OR6N1: variants seen among roughly 807,000 people sequenced by gnomAD.
The protein encoded by OR6N1 is olfactory receptor family 6 subfamily N member 1.
For missense variants in OR6N1, 394 were observed against 371.7 expected, an observed-to-expected ratio of 1.06 and a Z score of -0.49; for synonymous variants, 170 against 150.7, an observed-to-expected ratio of 1.13 and a Z score of -0.94.
In OR6N1 at chr1:158,766,089, T is replaced by C. The variant is rs756615223; in HGVS notation, c.594A>G (p.Val198=). The C allele has an allele frequency of 1.9e-6, 3 of 1,614,126 alleles. No homozygotes were observed. Among genetic ancestry groups the C allele is most frequent in the Non-Finnish European group, 2.5e-6 (3 of 1,180,020 alleles). ...ACTDTSINVL[V]DFVINSCKIL... is the part of the protein sequence containing the mutation. Reference sequence around the variant, plus strand: ...TCTTGCAGGAATTTATAACAAAATCTACTAGGACATTTATAGACGTATCAG... The same window carrying C: ...TCTTGCAGGAATTTATAACAAAATCCACTAGGACATTTATAGACGTATCAG... The change falls in exon 2 of 2, where the codon GTA becomes GTG. Residue 198 remains valine (V), a synonymous_variant. Coordinates refer to ENST00000641846, the MANE Select transcript of OR6N1 (RefSeq NM_001005185.2).
chr1:158,773,402 T>A (rs541342483), upstream of OR6N1, among the ~76,000 whole-genome samples: 10 of 152,308 alleles, frequency 6.6e-5, no homozygotes, highest in South Asian at 2.1e-3. Flanking sequence ...TTAAATTAAA[T>A]TTTCCACATC....
the OR6N1 span, among the ~76,000 whole-genome samples, chr1:158,786,217 C>A: frequency 6.6e-6 from 1 of 152,092 alleles, no homozygotes; most frequent in Non-Finnish European, 1.5e-5. Flanking sequence ...AAAGAATACA[C>A]AAACAGCCAA....
the OR6N1 span, among the ~76,000 whole-genome samples, chr1:158,822,257 G>C: frequency 1.3e-5 from 2 of 152,256 alleles, no homozygotes; most frequent in African/African-American, 4.8e-5. Flanking sequence ...TAGGTCATTT[G>C]ATAGGAATAA....
At chr1:158,800,329 A>G in the OR6N1 span, among the ~76,000 whole-genome samples, 1 of 152,184 alleles carries the variant, frequency 6.6e-6, no homozygotes, top group African/African-American at 2.4e-5. Flanking sequence ...TACCTAGGAA[A>G]GAAAAAAAAA....
At chr1:158,803,250 T>C in the OR6N1 span, among the ~76,000 whole-genome samples, 1 of 152,232 alleles carries the variant, frequency 6.6e-6, no homozygotes, top group Admixed American at 6.5e-5. Flanking sequence ...CTGAGAGTAC[T>C]AATGTGACTT....
the OR6N1 span, among the ~76,000 whole-genome samples, chr1:158,804,964 A>G: frequency 6.6e-6 from 1 of 152,204 alleles, no homozygotes; most frequent in African/African-American, 2.4e-5. Flanking sequence ...TTTTTAAAAT[A>G]TAAGTTTTTT....
chr1:158,788,491 T>C, the OR6N1 span, among the ~76,000 whole-genome samples: 2 of 152,126 alleles, frequency 1.3e-5, no homozygotes, highest in Non-Finnish European at 2.9e-5. Flanking sequence ...TTTTATATAT[T>C]AGATAGTATA....
chr1:158,824,083 T>C, the OR6N1 span, among the ~76,000 whole-genome samples: 20 of 152,080 alleles, frequency 1.3e-4, no homozygotes, highest in Non-Finnish European at 2.6e-4. Flanking sequence ...GTGGTTGATA[T>C]GTGATATGGT....
At chr1:158,788,292 A>C in the OR6N1 span, among the ~76,000 whole-genome samples, 32 of 152,330 alleles carry the variant, frequency 2.1e-4, no homozygotes, top group Admixed American at 1.6e-3. Flanking sequence ...TATCATAAGC[A>C]CAGATCTCAT....
chr1:158,818,540 T>G, the OR6N1 span, among the ~76,000 whole-genome samples: 1 of 152,112 alleles, frequency 6.6e-6, no homozygotes, highest in South Asian at 2.1e-4. Context: ...GGAGGCACTC[T>G]AAAATATGAA....
chr1:158,793,368 T>A, the OR6N1 span, among the ~76,000 whole-genome samples: 4 of 152,144 alleles, frequency 2.6e-5, no homozygotes, highest in Admixed American at 2.6e-4. Context: ...TTGCCATAAT[T>A]ATTATTTCTG....
the OR6N1 span, among the ~76,000 whole-genome samples, chr1:158,825,950 A>G: frequency 6.6e-6 from 1 of 152,298 alleles, no homozygotes; most frequent in African/African-American, 2.4e-5. Flanking sequence ...CAGCCATAAA[A>G]AGAATAATAT....
At chr1:158,834,124 T>C in the OR6N1 span, among the ~76,000 whole-genome samples, 3 of 152,146 alleles carry the variant, frequency 2.0e-5, no homozygotes, top group Non-Finnish European at 4.4e-5. Flanking sequence ...TTTTTATGGG[T>C]TTGATTTGTA....
At chr1:158,809,993 G>A in the OR6N1 span, among the ~76,000 whole-genome samples, 2,018 of 152,196 alleles carry the variant, frequency 0.013, 31 homozygotes, top group African/African-American at 0.046. Context: ...AGGTCCTATG[G>A]TATAATAGGA....
the OR6N1 span, among the ~76,000 whole-genome samples, chr1:158,801,048 A>C: frequency 6.6e-6 from 1 of 152,100 alleles, no homozygotes; most frequent in Non-Finnish European, 1.5e-5. Context: ...ACTTCTCACC[A>C]ATCCATGCAC....
At chr1:158,822,827 A>G in the OR6N1 span, among the ~76,000 whole-genome samples, 4 of 152,298 alleles carry the variant, frequency 2.6e-5, no homozygotes, top group South Asian at 8.3e-4. Context: ...TCCATTTGGT[A>G]TAATGTTGGC....
At chr1:158,825,515 G>GA in the OR6N1 span, among the ~76,000 whole-genome samples, 3 of 150,080 alleles carry the variant, frequency 2.0e-5, no homozygotes, top group African/African-American at 2.4e-5. Context: ...ACAAGCATAT[G>GA]AAAAAAAAAT....
At chr1:158,797,655 T>C in the OR6N1 span, among the ~76,000 whole-genome samples, 70 of 152,358 alleles carry the variant, frequency 4.6e-4, no homozygotes, top group Admixed American at 7.8e-4. Context: ...TCTTGTTTTG[T>C]TCTTAACTGG....
chr1:158,799,018 A>T, the OR6N1 span, among the ~76,000 whole-genome samples: 2 of 152,164 alleles, frequency 1.3e-5, no homozygotes, highest in African/African-American at 4.8e-5. Flanking sequence ...TGGTTCTCAG[A>T]CTTTAACTTG....
Sources: allele counts gnomAD v4.1 joint callset (sites outside exome capture counted in the v4.1 genomes callset), GRCh38; gene constraint gnomAD v4.1.1; transcripts MANE v1.5; gene names NCBI Gene and HGNC (gene_info 2026-07-23, HGNC 2026-07-21).